ANO3: variants seen among roughly 807,000 people sequenced by gnomAD.
ANO3 encodes the protein anoctamin 3.
In ANO3, 99 loss-of-function variants were observed where a neutral mutation model predicts 144.8. The ratio of observed to expected loss-of-function variants is 0.68; its 90% CI spans 0.58 to 0.81. The LOEUF is 0.81. Ranked by LOEUF, ANO3 falls within the 30% of genes least tolerant of loss-of-function variation. ANO3 has a pLI of 0.00. For synonymous variants in ANO3, 414 were observed against 392.6 expected (o/e 1.05, Z -0.64); for missense variants, 905 against 1,202.2 (o/e 0.75, Z 3.66).
At chr11:26,622,922 G>A (rs1852463401) in intron 17 of ANO3, among the ~76,000 whole-genome samples, 1 of 152,168 alleles carries the variant, frequency 6.6e-6, no homozygotes, top group African/African-American at 2.4e-5. Flanking sequence ...GAGGCATAGT[G>A]GGTGCTCAAG....
At chr11:26,330,460 T>C (rs149666324), upstream of ANO3, among the ~76,000 whole-genome samples, 4 of 152,336 alleles carry the variant, frequency 2.6e-5, no homozygotes, top group Admixed American at 6.5e-5. Context: ...GCCTGCATAC[T>C]GAGCTCTTAT....
chr11:26,332,128 C>T (rs1352121830), upstream of ANO3: 3 of 1,508,896 alleles, frequency 2.0e-6, no homozygotes, highest in Middle Eastern at 2.3e-4. Context: ...GGCGCGTAGC[C>T]TGGAGAGCGA....
intron 17 of ANO3, among the ~76,000 whole-genome samples, chr11:26,624,248 G>A (rs769595462): frequency 3.9e-5 from 6 of 152,098 alleles, no homozygotes; most frequent in African/African-American, 7.2e-5. Flanking sequence ...ACACATATAC[G>A]TGTACACACA....
chr11:26,380,309 T>C (rs1287492062), intron 1 of ANO3, among the ~76,000 whole-genome samples: 4 of 152,374 alleles, frequency 2.6e-5, no homozygotes, highest in African/African-American at 7.2e-5. Context: ...AATTCCCTAC[T>C]GTCATTTCTT....
At chr11:26,454,922 C>A (rs367767518) in intron 3 of ANO3, among the ~76,000 whole-genome samples, 560 of 135,362 alleles carry the variant, frequency 4.1e-3, no homozygotes, top group Non-Finnish European at 5.6e-3. Context: ...GTTCAATATA[C>A]GTAAATCAAT....
At chr11:26,285,079 G>GT (rs1198666805) in intron 1 of ANO3, among the ~76,000 whole-genome samples, 2 of 151,660 alleles carry the variant, frequency 1.3e-5, no homozygotes, top group African/African-American at 2.4e-5. Flanking sequence ...CCACTATGTG[G>GT]TTTATTTACT....
intron 17 of ANO3, among the ~76,000 whole-genome samples, chr11:26,618,579 G>T (rs1274315878): frequency 2.6e-5 from 4 of 152,206 alleles, no homozygotes; most frequent in Admixed American, 2.6e-4. Context: ...GGTTTCTATT[G>T]TATTTATTGG....
intron 14 of ANO3, chr11:26,572,108 T>C (rs1448259917): frequency 1.0e-6 from 1 of 985,292 alleles, no homozygotes; most frequent in Admixed American, 6.2e-5. Flanking sequence ...GAAAGGAATC[T>C]GTCGTGCATT....
intron 1 of ANO3, among the ~76,000 whole-genome samples, chr11:26,412,091 A>C (rs1857448029): frequency 6.6e-6 from 1 of 152,062 alleles, no homozygotes; most frequent in Non-Finnish European, 1.5e-5. Context: ...GGGTAATTTA[A>C]AAATTCAAAA....
chr11:26,430,341 T>C (rs1329058911), intron 1 of ANO3, among the ~76,000 whole-genome samples: 1 of 151,974 alleles, frequency 6.6e-6, no homozygotes, highest in East Asian at 1.9e-4. Flanking sequence ...TGTATACATA[T>C]CAAATCTTAT....
intron 1 of ANO3, among the ~76,000 whole-genome samples, chr11:26,291,311 T>C (rs1853951678): frequency 1.3e-5 from 2 of 152,208 alleles, no homozygotes; most frequent in South Asian, 4.1e-4. Context: ...TCTCTGCACA[T>C]GAGATGGATC....
At position 26,408,689 on chromosome 11, in the gene ANO3, G is replaced by A. The variant is rs564188457; in HGVS notation, c.47-33229G>A. 4.7e-5 allele frequency among the ~76,000 whole-genome samples: 7 copies of A among 150,380 alleles called. No homozygotes were observed. In the South Asian group the frequency reaches 1.5e-3, roughly 32 times the overall value. ...ACACATGCACACGTATGTTTATTGT[G>A]GCACTATTCACAATAGCAAAGACTT... On this transcript the variant is annotated intron_variant, in intron 1 of 26. Transcript: ENST00000256737.
chr11:26,227,458 A>G (rs914508276), intron 1 of ANO3, among the ~76,000 whole-genome samples: 1 of 152,156 alleles, frequency 6.6e-6, no homozygotes, highest in African/African-American at 2.4e-5. Context: ...ATGCATGTGT[A>G]TATATTTTCT....
intron 26 of ANO3, among the ~76,000 whole-genome samples, chr11:26,658,429 T>C (rs905306933): frequency 1.7e-5 from 2 of 115,506 alleles, no homozygotes; most frequent in African/African-American, 2.9e-5. Flanking sequence ...AAGAGCAACA[T>C]GGAGAAACCC....
chr11:26,240,787 G>A (rs1014308713), intron 1 of ANO3, among the ~76,000 whole-genome samples: 1 of 152,114 alleles, frequency 6.6e-6, no homozygotes, highest in East Asian at 1.9e-4. Context: ...CTACTGCCAT[G>A]TTATGGAAAC....
chr11:26,415,049 GGTGTGTATGTGTGTGTGT>G (rs1857540589), intron 1 of ANO3, among the ~76,000 whole-genome samples: 1 of 93,414 alleles, frequency 1.1e-5, no homozygotes, highest in African/African-American at 4.1e-5. Flanking sequence ...AAAAGTTATT[GGTGTGTATGTGTGTGTGT>G]GTGTGTGTGT....
intron 1 of ANO3, among the ~76,000 whole-genome samples, chr11:26,235,001 A>AG (rs1369445816): frequency 5.4e-5 from 8 of 148,466 alleles, no homozygotes; most frequent in Non-Finnish European, 9.0e-5. Flanking sequence ...GAGAGAAAAG[A>AG]AAGAGAGAGA....
rs34078380 is a variant in ANO3, at chr11:26,358,170, C to CTTT, written c.46+25867_46+25869dup. Reference sequence around the variant, plus strand: ...CATGAAGCTTAGAATACAATTTCAACTTTTTTTTTTTTTTTTTTTTGAGAT... The same window carrying CTTT: ...CATGAAGCTTAGAATACAATTTCAACTTTTTTTTTTTTTTTTTTTTTTTGAGAT... On this transcript the variant is annotated intron_variant, in intron 1 of 26. Transcript: ENST00000256737. Among the ~76,000 whole-genome samples, 231 of 119,592 alleles carry CTTT rather than the reference C, an allele frequency of 1.9e-3. 4 individuals are homozygous for CTTT. Among genetic ancestry groups the CTTT allele is most frequent in the Non-Finnish European group, 2.6e-3 (155 of 60,138 alleles). 78.5% of individuals were successfully genotyped at this position (119,592 alleles called of 152,430 possible).
intron 1 of ANO3, among the ~76,000 whole-genome samples, chr11:26,418,707 C>A (rs191635550): frequency 6.6e-6 from 1 of 151,618 alleles, no homozygotes; most frequent in Non-Finnish European, 1.5e-5. Context: ...CAAACAAGCG[C>A]GCGCGCGCAC....
Sources: allele counts gnomAD v4.1 joint callset (sites outside exome capture counted in the v4.1 genomes callset), GRCh38; gene constraint gnomAD v4.1.1; transcripts MANE v1.5; gene names NCBI Gene and HGNC (gene_info 2026-07-23, HGNC 2026-07-21).